VRK2: variants seen among roughly 807,000 people sequenced by gnomAD.
The protein encoded by VRK2 is serine/threonine-protein kinase VRK2.
A neutral mutation model predicts 57.6 loss-of-function variants in VRK2; 60 were observed. The observed-to-expected ratio is 1.04, with a 90% CI of 0.85 to 1.29. VRK2 has a LOEUF of 1.29. VRK2 is among the 50% of genes most tolerant of loss of function. The pLI is 0.00. For missense variants in VRK2, 705 were observed against 588.1 expected (o/e 1.20, Z -2.06); for synonymous variants, 231 against 199.2 (o/e 1.16, Z -1.35).
intron 1 of VRK2, among the ~76,000 whole-genome samples, chr2:57,978,521 T>A (rs1349609146): frequency 6.6e-6 from 1 of 151,044 alleles, no homozygotes; most frequent in Admixed American, 6.6e-5. Context: ...GAACAATCTT[T>A]ATGAAATTTC....
At chr2:57,967,497 T>TG (rs1671960749) in intron 1 of VRK2, among the ~76,000 whole-genome samples, 1 of 151,860 alleles carries the variant, frequency 6.6e-6, no homozygotes, top group African/African-American at 2.4e-5. Context: ...TAATCACACT[T>TG]GGGGGGAAAA....
At chr2:58,004,577 G>A (rs1673187113) in intron 1 of VRK2, among the ~76,000 whole-genome samples, 1 of 152,070 alleles carries the variant, frequency 6.6e-6, no homozygotes. Context: ...TACATCCTTG[G>A]ACAGCCATTT....
chr2:58,046,791 G>C, upstream of VRK2: 1 of 985,620 alleles, frequency 1.0e-6, no homozygotes, highest in Non-Finnish European at 1.2e-6. Context: ...GGGACTGTAG[G>C]CCCGGGGGCT....
Position 58,159,435 on chromosome 2 carries a change from A to C in VRK2, c.1269A>C (p.Thr423=). Residue 423 remains threonine, a synonymous_variant, in exon 13 of 13, where the codon ACA becomes ACC. Coordinates refer to ENST00000340157, the MANE Select transcript of VRK2 (RefSeq NM_006296.7). ...VNSFPQKISY[T]QFPNSFYEPH... ...GTTTCCCACAAAAAATCAGCTATAC[A>C]CAATTCCCAAACTCATTTTATGAGC... 6.2e-7 allele frequency: 1 copy of C among 1,613,630 alleles called. No homozygotes were observed. The highest frequency in any genetic ancestry group is 2.2e-5 in the East Asian group (1 of 44,842).
intron 1 of VRK2, among the ~76,000 whole-genome samples, chr2:57,922,314 T>C (rs951415523): frequency 6.6e-6 from 1 of 152,064 alleles, no homozygotes; most frequent in Non-Finnish European, 1.5e-5. Context: ...ATCGTCATCT[T>C]TTTTCAGCTT....
At chr2:57,993,897 G>A (rs1034107428) in intron 1 of VRK2, among the ~76,000 whole-genome samples, 1 of 152,092 alleles carries the variant, frequency 6.6e-6, no homozygotes, top group Non-Finnish European at 1.5e-5. Flanking sequence ...CAGGTTGGAG[G>A]GTAAATTTCA....
chr2:58,038,011 G>A (rs1433798001), intron 3 of VRK2, among the ~76,000 whole-genome samples: 1 of 152,058 alleles, frequency 6.6e-6, no homozygotes, highest in Non-Finnish European at 1.5e-5. Context: ...TGCCAATATA[G>A]GAATTAGAAT....
chr2:58,077,317 A>G (rs776505351), intron 2 of VRK2, among the ~76,000 whole-genome samples: 1 of 152,048 alleles, frequency 6.6e-6, no homozygotes, highest in African/African-American at 2.4e-5. Flanking sequence ...CCTCCACACA[A>G]GTCCTCGGAT....
chr2:57,917,558 A>G (rs1188747258), intron 1 of VRK2, among the ~76,000 whole-genome samples: 1 of 149,886 alleles, frequency 6.7e-6, no homozygotes, highest in African/African-American at 2.5e-5. Flanking sequence ...CTAGATGTAG[A>G]CTGGTTTCCT....
At chr2:58,033,317 G>T (rs1024502366) in exon 3 of VRK2, 2 of 151,940 alleles carry the variant, frequency 1.3e-5, no homozygotes, top group African/African-American at 2.4e-5. Flanking sequence ...GGATTATCTG[G>T]GTGGGCACAA....
intron 4 of VRK2, among the ~76,000 whole-genome samples, chr2:58,085,265 G>A (rs1381869147): frequency 1.3e-5 from 2 of 151,790 alleles, no homozygotes; most frequent in African/African-American, 4.8e-5. Context: ...TTCTTTTACA[G>A]TAAACCATTT....
In VRK2 at chr2:58,088,322, T is replaced by A; in HGVS notation, c.345-19T>A. 1 of 1,529,988 alleles carries A rather than the reference T, an allele frequency of 6.5e-7. No homozygotes were observed. Among genetic ancestry groups the A allele is most frequent in the Non-Finnish European group, 9.0e-7 (1 of 1,115,308 alleles). The allele number at this position is 1,529,988 out of a possible 1,614,324, so 94.8% of individuals were successfully genotyped here. A position where few individuals can be genotyped will look rare whatever the true frequency, so the allele number is the denominator to read the frequency against. On this transcript the variant is annotated intron_variant, in intron 5 of 12. Transcript: ENST00000340157. ...TTACTTTCTCAGGATGATCTCTTTT[T>A]GATGCTTTTTTCTTACAGTTACAGA...
chr2:57,966,120 T>C (rs1671908095), intron 1 of VRK2, among the ~76,000 whole-genome samples: 2 of 152,204 alleles, frequency 1.3e-5, no homozygotes, highest in Admixed American at 1.3e-4. Context: ...CAAGACTTAC[T>C]ACAGCAGAGC....
At chr2:58,120,379 TG>T (rs1327825648) in intron 7 of VRK2, among the ~76,000 whole-genome samples, 2 of 151,220 alleles carry the variant, frequency 1.3e-5, no homozygotes, top group Non-Finnish European at 3.0e-5. Context: ...TTAGTAGAGA[TG>T]GGGTTTCACC....
chr2:57,969,629 T>C (rs1047541437), intron 1 of VRK2, among the ~76,000 whole-genome samples: 3 of 152,034 alleles, frequency 2.0e-5, no homozygotes, highest in Non-Finnish European at 2.9e-5. Context: ...TTAGAAACAA[T>C]ACTTCAAGAA....
At chr2:57,973,258 T>C (rs1236757312) in intron 1 of VRK2, among the ~76,000 whole-genome samples, 1 of 151,906 alleles carries the variant, frequency 6.6e-6, no homozygotes, top group Non-Finnish European at 1.5e-5. Flanking sequence ...GCGTTTCTCT[T>C]ACGGATAAAT....
intron 3 of VRK2, among the ~76,000 whole-genome samples, chr2:58,038,153 G>A (rs940683527): frequency 1.3e-5 from 2 of 152,102 alleles, no homozygotes; most frequent in Non-Finnish European, 2.9e-5. Flanking sequence ...CTCAGGTGTT[G>A]AGGGAGAGGC....
chr2:58,146,763 C>T (rs1466097989), intron 12 of VRK2, among the ~76,000 whole-genome samples: 3 of 150,314 alleles, frequency 2.0e-5, no homozygotes, highest in African/African-American at 7.3e-5. Flanking sequence ...CCATTAGGGA[C>T]TCAATGTATT....
chr2:57,921,609 T>C (rs1670353265), intron 1 of VRK2, among the ~76,000 whole-genome samples: 2 of 152,060 alleles, frequency 1.3e-5, no homozygotes, highest in Admixed American at 1.3e-4. Flanking sequence ...AGTAACACCT[T>C]AAAAAAATTT....
Sources: allele counts gnomAD v4.1 joint callset (sites outside exome capture counted in the v4.1 genomes callset), GRCh38; gene constraint gnomAD v4.1.1; transcripts MANE v1.5; gene names NCBI Gene and HGNC (gene_info 2026-07-23, HGNC 2026-07-21).